R3HCC1L: variants seen among roughly 807,000 people sequenced by gnomAD.
R3HCC1L encodes the protein R3H domain and coiled-coil containing 1 like, also known as coiled-coil domain-containing protein R3HCC1L.
A neutral mutation model predicts 59.9 loss-of-function variants in R3HCC1L; 51 were observed. The ratio of observed to expected loss-of-function variants is 0.85; its 90% CI spans 0.68 to 1.07. The LOEUF (loss-of-function observed/expected upper bound fraction) is 1.07. Ranked by LOEUF, R3HCC1L falls within the 50% of genes least tolerant of loss-of-function variation. R3HCC1L has a pLI of 0.00. For synonymous variants in R3HCC1L, 322 were observed against 315.2 expected (o/e 1.02, Z -0.23); for missense variants, 965 against 933.0 (o/e 1.03, Z -0.45).
Position 98,209,334 on chromosome 10 carries a change from T to C in R3HCC1L, c.1220T>C (p.Ile407Thr). Reference sequence around the variant, plus strand: ...GTTAGAATAGCTGATGAGACCTCTATTAATACACGAAGTTTCTCAAAGTTT... The same window carrying C: ...GTTAGAATAGCTGATGAGACCTCTACTAATACACGAAGTTTCTCAAAGTTT... ...VAVRIADETS[I>T]NTRSFSKFVG... Residue 407 changes from isoleucine (I) to threonine (T), a missense_variant, in exon 5 of 10, where the codon ATT becomes ACT. Physicochemically the swap from Ile to Thr is moderately conservative, Grantham distance 89 (BLOSUM62 -1). Coordinates refer to ENST00000298999, the MANE Select transcript of R3HCC1L (RefSeq NM_001351015.2). The C allele has an allele frequency of 6.2e-7, 1 of 1,614,042 alleles. No homozygotes were observed. Among genetic ancestry groups the C allele is most frequent in the South Asian group, 1.1e-5 (1 of 91,084 alleles).
intron 5 of R3HCC1L, among the ~76,000 whole-genome samples, chr10:98,221,327 G>GT (rs1854918858): frequency 6.7e-6 from 1 of 150,020 alleles, no homozygotes; most frequent in Non-Finnish European, 1.5e-5. Context: ...CATTTTGTAG[G>GT]TTGCCTGTTC....
At chr10:98,224,866 C>T (rs1190055166) in intron 5 of R3HCC1L, among the ~76,000 whole-genome samples, 1 of 152,138 alleles carries the variant, frequency 6.6e-6, no homozygotes, top group Non-Finnish European at 1.5e-5. Flanking sequence ...ACATGTGATT[C>T]TTAAGGTAAA....
intron 4 of R3HCC1L, among the ~76,000 whole-genome samples, chr10:98,180,500 A>T (rs1454790390): frequency 6.6e-6 from 1 of 152,158 alleles, no homozygotes; most frequent in Non-Finnish European, 1.5e-5. Flanking sequence ...GTTTTGGAAT[A>T]CGTGCCATGT....
chr10:98,159,699 G>A (rs1398012386), intron 2 of R3HCC1L, among the ~76,000 whole-genome samples: 1 of 152,042 alleles, frequency 6.6e-6, no homozygotes, highest in Non-Finnish European at 1.5e-5. Flanking sequence ...TCCCTGACTT[G>A]GCCAGTAGGA....
chr10:98,169,884 C>CTTTTT (rs1195433216), intron 4 of R3HCC1L, among the ~76,000 whole-genome samples: 4 of 128,390 alleles, frequency 3.1e-5, no homozygotes, highest in African/African-American at 8.8e-5. Flanking sequence ...CTAACACAAC[C>CTTTTT]TTTTTTTTTT....
chr10:98,138,183 C>G (rs963161860), intron 1 of R3HCC1L, among the ~76,000 whole-genome samples: 8 of 152,186 alleles, frequency 5.3e-5, no homozygotes, highest in African/African-American at 1.9e-4. Context: ...TCTGCAGATT[C>G]AGATGCTTAG....
At chr10:98,186,773 C>T (rs1418931858) in intron 4 of R3HCC1L, among the ~76,000 whole-genome samples, 1 of 152,104 alleles carries the variant, frequency 6.6e-6, no homozygotes, top group African/African-American at 2.4e-5. Context: ...TTTTCCTTCT[C>T]AGAATGATGT....
intron 5 of R3HCC1L, among the ~76,000 whole-genome samples, chr10:98,229,753 C>T (rs1251546717): frequency 6.6e-6 from 1 of 152,040 alleles, no homozygotes; most frequent in Non-Finnish European, 1.5e-5. Flanking sequence ...GAGATACGTC[C>T]CATCAATACC....
At chr10:98,191,581 A>C (rs543388109) in intron 4 of R3HCC1L, among the ~76,000 whole-genome samples, 2 of 152,158 alleles carry the variant, frequency 1.3e-5, no homozygotes, top group South Asian at 2.1e-4. Flanking sequence ...AGATTGCAAA[A>C]ATTTTCTCCC....
At chr10:98,153,106 G>A (rs890976710) in intron 1 of R3HCC1L, among the ~76,000 whole-genome samples, 6 of 152,208 alleles carry the variant, frequency 3.9e-5, no homozygotes, top group Non-Finnish European at 8.8e-5. Context: ...CCCCATCTGG[G>A]AGGTGTACCC....
Position 98,163,396 on chromosome 10 carries a change from TG to T in R3HCC1L, c.-15+1del. The T allele has an allele frequency of 7.5e-7, 1 of 1,334,962 alleles. No individual in the cohort carries two copies. 82.7% of individuals were successfully genotyped at this position (1,334,962 alleles called of 1,614,324 possible). A position where few individuals can be genotyped will look rare whatever the true frequency, so the allele number is the denominator to read the frequency against. ...ACTAAGAAAATAAATGTTACTTACA[TG>T]GTAAGTTGCCTTTACTTATGCATAT... On this transcript the variant is annotated splice_region_variant and 5_prime_UTR_variant, in exon 4 of 10. The change abolishes an upstream ATG in the 5' untranslated region. Transcript: ENST00000298999.
At chr10:98,205,744 A>T (rs1266583111) in intron 4 of R3HCC1L, among the ~76,000 whole-genome samples, 3 of 152,200 alleles carry the variant, frequency 2.0e-5, no homozygotes, top group African/African-American at 7.2e-5. Flanking sequence ...TAAGAAAAAA[A>T]GGTTGAATTT....
intron 1 of R3HCC1L, among the ~76,000 whole-genome samples, chr10:98,151,499 T>C (rs978679919): frequency 6.6e-6 from 1 of 152,222 alleles, no homozygotes; most frequent in Non-Finnish European, 1.5e-5. Flanking sequence ...ACTACTATTA[T>C]TGTTTCTACC....
At chr10:98,197,289 C>G (rs923700229) in intron 4 of R3HCC1L, among the ~76,000 whole-genome samples, 4 of 152,100 alleles carry the variant, frequency 2.6e-5, no homozygotes, top group African/African-American at 9.7e-5. Context: ...ATTGTCCTGC[C>G]TCAGAGTTTT....
intron 1 of R3HCC1L, among the ~76,000 whole-genome samples, chr10:98,142,963 C>T (rs1469568614): frequency 6.9e-6 from 1 of 144,628 alleles, no homozygotes; most frequent in Non-Finnish European, 1.6e-5. Flanking sequence ...CAAAACAAAA[C>T]AAAACAAAAA....
intron 1 of R3HCC1L, among the ~76,000 whole-genome samples, chr10:98,135,771 T>C (rs1844510425): frequency 6.6e-6 from 1 of 152,212 alleles, no homozygotes; most frequent in South Asian, 2.1e-4. Flanking sequence ...TATCTCTTGC[T>C]GTTATAACCT....
chr10:98,169,845 T>G (rs2134323826), intron 4 of R3HCC1L, among the ~76,000 whole-genome samples: 1 of 151,660 alleles, frequency 6.6e-6, no homozygotes, highest in African/African-American at 2.4e-5. Context: ...AACTAACAGC[T>G]CGAAGAATTG....
chr10:98,140,522 A>G (rs1235938701), intron 1 of R3HCC1L, among the ~76,000 whole-genome samples: 1 of 152,166 alleles, frequency 6.6e-6, no homozygotes, highest in Non-Finnish European at 1.5e-5. Flanking sequence ...GTTAGAAAGC[A>G]GGGTAATCAG....
chr10:98,213,263 T>C (rs1220392189), intron 5 of R3HCC1L, among the ~76,000 whole-genome samples: 1 of 152,208 alleles, frequency 6.6e-6, no homozygotes, highest in African/African-American at 2.4e-5. Context: ...TAGAGTTTGA[T>C]AAACTATAAA....
Sources: allele counts gnomAD v4.1 joint callset (sites outside exome capture counted in the v4.1 genomes callset), GRCh38; gene constraint gnomAD v4.1.1; transcripts MANE v1.5; gene names NCBI Gene and HGNC (gene_info 2026-07-23, HGNC 2026-07-21).